The following LRRTM4 variants were observed in gnomAD, a reference collection of about 807,000 sequenced individuals.
LRRTM4 encodes leucine rich repeat transmembrane neuronal 4.
Under a neutral mutation model 47.6 loss-of-function variants are expected in LRRTM4, and 25 were observed. That is an observed-to-expected ratio of 0.53 (90% CI 0.38 to 0.73). LRRTM4 has a LOEUF of 0.73. LRRTM4 is among the 30% of genes least tolerant of loss of function. The pLI is 0.00. For synonymous variants in LRRTM4, 311 were observed against 269.5 expected (o/e 1.15, Z -1.51); for missense variants, 638 against 713.4 (o/e 0.89, Z 1.20).
intron 3 of LRRTM4, among the ~76,000 whole-genome samples, chr2:76,986,493 A>G (rs918782638): frequency 6.6e-6 from 1 of 151,926 alleles, no homozygotes; most frequent in Non-Finnish European, 1.5e-5. Flanking sequence ...CTGCAAAGAA[A>G]CCAATAGTTG....
chr2:77,081,157 T>C (rs1465215552), intron 3 of LRRTM4, among the ~76,000 whole-genome samples: 1 of 152,024 alleles, frequency 6.6e-6, no homozygotes, highest in Non-Finnish European at 1.5e-5. Context: ...ATACTTTTTA[T>C]CTGTCCCTCT....
chr2:76,900,631 T>C (rs992054992), intron 3 of LRRTM4, among the ~76,000 whole-genome samples: 3 of 152,132 alleles, frequency 2.0e-5, no homozygotes, highest in Non-Finnish European at 2.9e-5. Flanking sequence ...TGAAATGCAG[T>C]TAAAGATTTA....
intron 3 of LRRTM4, among the ~76,000 whole-genome samples, chr2:76,775,379 G>A (rs576313433): frequency 6.6e-6 from 1 of 152,126 alleles, no homozygotes; most frequent in Non-Finnish European, 1.5e-5. Context: ...AATCAGAAAT[G>A]CATTTGAGGG....
intron 3 of LRRTM4, among the ~76,000 whole-genome samples, chr2:76,827,056 C>T (rs1327493225): frequency 6.6e-6 from 1 of 151,834 alleles, no homozygotes; most frequent in African/African-American, 2.4e-5. Context: ...GAGTATTTCT[C>T]TCTCCTGAGA....
At chr2:77,420,906 T>C (rs1217320024) in intron 3 of LRRTM4, among the ~76,000 whole-genome samples, 1 of 146,916 alleles carries the variant, frequency 6.8e-6, no homozygotes, top group Non-Finnish European at 1.5e-5. Context: ...GCCTTAAGAC[T>C]AATGAGCACC....
intron 3 of LRRTM4, among the ~76,000 whole-genome samples, chr2:77,092,295 C>A (rs1224045304): frequency 6.6e-6 from 1 of 151,928 alleles, no homozygotes; most frequent in African/African-American, 2.4e-5. Context: ...ATCCACCTGA[C>A]ATTCACCCCA....
At chr2:77,231,366 C>T (rs111236615) in intron 3 of LRRTM4, among the ~76,000 whole-genome samples, 3,264 of 152,144 alleles carry the variant, frequency 0.021, 132 homozygotes, top group African/African-American at 0.075. Flanking sequence ...ATAACGGAAT[C>T]TTATAAATCA....
intron 3 of LRRTM4, among the ~76,000 whole-genome samples, chr2:77,076,072 T>C (rs12614704): frequency 0.067 from 10,144 of 152,142 alleles, 511 homozygotes; most frequent in East Asian, 0.27. Context: ...AGTAAGACTT[T>C]TGACATTTAC....
chr2:77,482,344 C>T (rs769491484), intron 3 of LRRTM4, among the ~76,000 whole-genome samples: 70 of 151,648 alleles, frequency 4.6e-4, no homozygotes, highest in South Asian at 8.3e-4. Context: ...TGAGACTTCA[C>T]GAAATAAATG....
chr2:77,014,880 A>T (rs1045779743), intron 3 of LRRTM4, among the ~76,000 whole-genome samples: 11 of 152,278 alleles, frequency 7.2e-5, no homozygotes, highest in Middle Eastern at 3.4e-3. Flanking sequence ...CTCATAATTG[A>T]CTTTTCATTT....
intron 3 of LRRTM4, among the ~76,000 whole-genome samples, chr2:77,469,184 G>T (rs1474313117): frequency 6.6e-6 from 1 of 152,208 alleles, no homozygotes; most frequent in Non-Finnish European, 1.5e-5. Context: ...TTTGGGGAAA[G>T]CAGTCAGACT....
rs145814922 is a variant in LRRTM4, at chr2:77,211,062, C to T, written c.1551+307256G>A. Reference sequence around the variant, plus strand: ...GGTGTTCAAGGCCCATCCAGGAAAACAGAACCCAGGTAATTACATAAAATA... The same window carrying T: ...GGTGTTCAAGGCCCATCCAGGAAAATAGAACCCAGGTAATTACATAAAATA... On this transcript the variant is annotated intron_variant, in intron 3 of 3. Coordinates refer to ENST00000409884, the MANE Select transcript of LRRTM4 (RefSeq NM_001134745.3). Among the ~76,000 whole-genome samples, 641 of 152,094 alleles carry T rather than the reference C, an allele frequency of 4.2e-3. 5 individuals carry two copies. Among genetic ancestry groups the T allele is most frequent in the African/African-American group, 0.015 (621 of 41,464 alleles).
intron 3 of LRRTM4, among the ~76,000 whole-genome samples, chr2:77,069,538 T>C (rs971992172): frequency 2.2e-4 from 34 of 152,128 alleles, no homozygotes; most frequent in African/African-American, 7.7e-4. Flanking sequence ...GGACTTTTAA[T>C]TTTGTAGAAC....
intron 3 of LRRTM4, among the ~76,000 whole-genome samples, chr2:77,374,236 T>C (rs1672750970): frequency 6.6e-6 from 1 of 151,796 alleles, no homozygotes; most frequent in Non-Finnish European, 1.5e-5. Context: ...GGATGTAATT[T>C]GAGACTGAGG....
At chr2:76,979,727 T>TA (rs70939838) in intron 3 of LRRTM4, among the ~76,000 whole-genome samples, 2 of 151,748 alleles carry the variant, frequency 1.3e-5, no homozygotes, top group Admixed American at 6.6e-5. Context: ...GATAGATAGA[T>TA]GCATACATAC....
rs570770195 is a variant in LRRTM4 at position 77,482,190 on chromosome 2, C to A, written c.1551+36128G>T. ...TATGAATGACCATAGAGGATTCTCA[C>A]TAATTTGAAGTTGCTGGTGCTTTTT... On this transcript the variant is annotated intron_variant, in intron 3 of 3. Transcript: ENST00000409884. 1.3e-4 allele frequency among the ~76,000 whole-genome samples: 19 copies of A among 143,656 alleles called. No homozygotes were observed. The South Asian group carries it at 4.1e-3, about 31-fold the overall frequency. The allele number at this position is 143,656 out of a possible 152,430, so 94.2% of individuals were successfully genotyped here. A position where few individuals can be genotyped will look rare whatever the true frequency, so the allele number is the denominator to read the frequency against.
chr2:77,364,190 A>T (rs1672353347), intron 3 of LRRTM4, among the ~76,000 whole-genome samples: 1 of 152,094 alleles, frequency 6.6e-6, no homozygotes, highest in Admixed American at 6.6e-5. Flanking sequence ...TTTGCATTCA[A>T]CATCAGCACA....
intron 3 of LRRTM4, among the ~76,000 whole-genome samples, chr2:77,413,593 A>AT (rs1674522706): frequency 6.6e-6 from 1 of 152,138 alleles, no homozygotes; most frequent in Admixed American, 6.6e-5. Context: ...ATTTTACCTA[A>AT]ATGTAACAAT....
At chr2:76,792,416 C>T (rs907733334) in intron 3 of LRRTM4, among the ~76,000 whole-genome samples, 18 of 152,128 alleles carry the variant, frequency 1.2e-4, no homozygotes, top group South Asian at 2.1e-4. Flanking sequence ...CTACCTGACA[C>T]ATCTTTCATG....
Sources: allele counts gnomAD v4.1 joint callset (sites outside exome capture counted in the v4.1 genomes callset), GRCh38; gene constraint gnomAD v4.1.1; transcripts MANE v1.5; gene names NCBI Gene and HGNC (gene_info 2026-07-23, HGNC 2026-07-21).